The following PRPSAP1 variants were observed in gnomAD, a reference collection of about 807,000 sequenced individuals.
PRPSAP1 encodes the protein phosphoribosyl pyrophosphate synthetase associated protein 1, also known as phosphoribosyl pyrophosphate synthase-associated protein 1.
In PRPSAP1, 31 loss-of-function variants were observed where a neutral mutation model predicts 39.4. The observed-to-expected ratio is 0.79, with a 90% CI of 0.59 to 1.06. The LOEUF (loss-of-function observed/expected upper bound fraction) is 1.06. Among genes scored for constraint, PRPSAP1 ranks in the 50% least tolerant of loss-of-function variants. The pLI, the probability that PRPSAP1 is intolerant of heterozygous loss-of-function variation, is 0.00. For synonymous variants in PRPSAP1, 212 were observed against 192.6 expected, an observed-to-expected ratio of 1.10 and a Z score of -0.83; for missense variants, 430 against 511.6, an observed-to-expected ratio of 0.84 and a Z score of 1.54.
At chr17:76,320,741 G>A (rs886241672) in intron 7 of PRPSAP1, among the ~76,000 whole-genome samples, 4 of 150,782 alleles carry the variant, frequency 2.7e-5, no homozygotes, top group Non-Finnish European at 5.9e-5. Flanking sequence ...ATTGAAGTTT[G>A]TGGCAACCCT....
At chr17:76,344,351 G>A (rs964802465) in intron 3 of PRPSAP1, among the ~76,000 whole-genome samples, 42 of 152,076 alleles carry the variant, frequency 2.8e-4, no homozygotes, top group Admixed American at 2.6e-3. Context: ...GGATGGTCTC[G>A]ATCTCCTGAC....
rs774047258 is a variant in PRPSAP1, at chr17:76,312,891, A to C, written c.978T>G (p.Ile326Met). Residue 326 changes from isoleucine to methionine, a missense_variant, in exon 9 of 10, where the codon ATT becomes ATG. Ile to Met is a conservative substitution (Grantham distance 10). Around this residue, in one of 2 missense-constraint regions of PRPSAP1, gnomAD observed 278 missense variants for 376.3 expected, o/e 0.74. Transcript: ENST00000446526. Reference protein sequence around the residue: ...GILSAEAPRLIEESSVDEVVV... With the variant: ...GILSAEAPRLMEESSVDEVVV... ...TGACCTCGTCTACGGAGGACTCCTC[A>C]ATCAGGCGAGGGGCCTCTGCAGACA... The C allele has an allele frequency of 1.2e-6, 2 of 1,613,772 alleles. No homozygotes were observed. The highest frequency in any genetic ancestry group is 2.2e-5 in the South Asian group (2 of 91,030).
At chr17:76,343,282 T>C (rs1228214068) in intron 3 of PRPSAP1, among the ~76,000 whole-genome samples, 4 of 152,164 alleles carry the variant, frequency 2.6e-5, no homozygotes, top group Non-Finnish European at 5.9e-5. Context: ...GCATGAACGT[T>C]CTCACTCAAG....
intron 3 of PRPSAP1, among the ~76,000 whole-genome samples, chr17:76,336,732 CAAAAAAAAAAAAA>C (rs57399038): frequency 3.2e-5 from 2 of 63,338 alleles, no homozygotes; most frequent in Admixed American, 4.0e-4. Flanking sequence ...AACTCCATCT[CAAAAAAAAAAAAA>C]AAAAAAAAAA....
intron 7 of PRPSAP1, among the ~76,000 whole-genome samples, chr17:76,320,321 GAAGA>G (rs2071178538): frequency 8.9e-6 from 1 of 112,578 alleles, no homozygotes; most frequent in Admixed American, 8.5e-5. Context: ...GGGAGGAAGG[GAAGA>G]AGGGAGGGAG....
chr17:76,342,673 G>T (rs959772454), intron 3 of PRPSAP1, among the ~76,000 whole-genome samples: 1 of 148,460 alleles, frequency 6.7e-6, no homozygotes, highest in Non-Finnish European at 1.5e-5. Flanking sequence ...AGCCATGATC[G>T]TGTCACTGCA....
intron 1 of PRPSAP1, among the ~76,000 whole-genome samples, chr17:76,349,488 C>T (rs949343178): frequency 1.3e-5 from 2 of 150,818 alleles, no homozygotes; most frequent in African/African-American, 4.9e-5. Context: ...AGGCCGGGTG[C>T]GGTGGCTCAC....
chr17:76,351,191 G>T (rs1018144243), intron 1 of PRPSAP1, among the ~76,000 whole-genome samples: 1 of 151,912 alleles, frequency 6.6e-6, no homozygotes, highest in African/African-American at 2.4e-5. Context: ...TGGCCAACGT[G>T]GTGAAACCCA....
intron 3 of PRPSAP1, among the ~76,000 whole-genome samples, chr17:76,337,947 A>G (rs1201997714): frequency 2.6e-5 from 4 of 152,086 alleles, no homozygotes; most frequent in Admixed American, 1.3e-4. Context: ...ACATCAACAC[A>G]CTAGAACTTG....
rs1228538393 is a variant in PRPSAP1 at position 76,344,681 on chromosome 17, T to C, written c.280A>G (p.Thr94Ala). The C allele has an allele frequency of 8.3e-6, 13 of 1,572,810 alleles. No homozygotes were observed. Among genetic ancestry groups the C allele is most frequent in the Non-Finnish European group, 2.6e-6 (3 of 1,151,940 alleles). ...VRGQDIFIIQ[T>A]IPRDVNTAVM... Reference sequence around the variant, plus strand: ...AGTCAGTCCTCTTACCTGGGTATTGTCTGTATAATGAAAATATCTTGGCCA... The same window carrying C: ...AGTCAGTCCTCTTACCTGGGTATTGCCTGTATAATGAAAATATCTTGGCCA... Residue 94 changes from threonine (T) to alanine (A), a missense_variant, in exon 3 of 10, where the codon ACA (threonine) becomes GCA (alanine). Physicochemically the swap from Thr to Ala is moderately conservative, Grantham distance 58 (BLOSUM62 0). Transcript: ENST00000446526.
rs1292982204 is a variant in PRPSAP1 at position 76,323,728 on chromosome 17, G to T, written c.781+4989C>A. Among the ~76,000 whole-genome samples the T allele has an allele frequency of 2.5e-4, 36 of 146,758 alleles. No homozygotes were observed. In the East Asian group the frequency reaches 4.3e-3, roughly 18 times the overall value. On this transcript the variant is annotated intron_variant, in intron 7 of 9. Transcript: ENST00000446526. ...AAGAAGGTTTTTTGTTTTTTTTTTT[G>T]AGATGAATCTACTGCTGAAGATGCT...
intron 3 of PRPSAP1, among the ~76,000 whole-genome samples, chr17:76,334,730 T>C (rs1567805142): frequency 6.6e-6 from 1 of 152,208 alleles, no homozygotes; most frequent in Admixed American, 6.5e-5. Context: ...ATCCATTCCA[T>C]TGTTTTCCAG....
Position 76,350,194 on chromosome 17 carries a change from C to T in PRPSAP1, c.171-1613G>A, listed in dbSNP as rs185959355. Among the ~76,000 whole-genome samples, 302 of 150,400 alleles carry T rather than the reference C, an allele frequency of 2.0e-3. 2 individuals carry two copies. The highest frequency in any genetic ancestry group is 1.9e-3 in the Non-Finnish European group (126 of 67,698). On this transcript the variant is annotated intron_variant, in intron 1 of 9. Coordinates refer to ENST00000446526, the MANE Select transcript of PRPSAP1 (RefSeq NM_002766.3). ...GTGGCTCATGCCTGTAATCCCAGCA[C>T]TTTGGGAGGCCGAGGCGGGCGGATC...
intron 2 of PRPSAP1, among the ~76,000 whole-genome samples, chr17:76,347,484 C>CAAAAAAAAAAAAAAA (rs71161289): frequency 1.5e-3 from 39 of 25,222 alleles, no homozygotes; most frequent in South Asian, 4.6e-3. Context: ...AAGACTCCGT[C>CAAAAAAAAAAAAAAA]AAAAAAAAAA....
At chr17:76,353,002 C>T (rs1375944806) in intron 1 of PRPSAP1, 1 of 152,936 alleles carries the variant, frequency 6.5e-6, no homozygotes, top group African/African-American at 2.4e-5. Context: ...ATTTCTACCA[C>T]CAGCTCCGGC....
intron 7 of PRPSAP1, among the ~76,000 whole-genome samples, chr17:76,315,161 G>T (rs1226300702): frequency 6.6e-6 from 1 of 152,204 alleles, no homozygotes; most frequent in Non-Finnish European, 1.5e-5. Flanking sequence ...TGCATCTGAA[G>T]AAAGGCTATG....
chr17:76,315,751 G>A (rs960779549), intron 7 of PRPSAP1, among the ~76,000 whole-genome samples: 2 of 114,356 alleles, frequency 1.7e-5, no homozygotes, highest in African/African-American at 7.0e-5. Flanking sequence ...GTCTCACTCT[G>A]TCTCCCAGGC....
At chr17:76,345,275 C>G (rs1387976968) in intron 2 of PRPSAP1, among the ~76,000 whole-genome samples, 6 of 140,680 alleles carry the variant, frequency 4.3e-5, no homozygotes, top group Non-Finnish European at 9.1e-5. Context: ...GAGACCAGCC[C>G]GGCCAATATG....
At chr17:76,313,220 G>T in intron 8 of PRPSAP1, 1 of 523,204 alleles carries the variant, frequency 1.9e-6, no homozygotes, top group Non-Finnish European at 3.2e-6. Flanking sequence ...GTCAGAGGCG[G>T]GCGCAGTCAA....
Sources: gnomAD v4.1 joint callset for allele counts (sites outside exome capture counted in the v4.1 genomes callset) on GRCh38, gnomAD v4.1.1 for gene constraint, gnomAD v4.1.1 regional missense constraint, MANE v1.5 for transcripts, NCBI Gene and HGNC (gene_info 2026-07-23, HGNC 2026-07-21) for gene names.